ZNRF3: variants seen among roughly 807,000 people sequenced by gnomAD.
ZNRF3 encodes the protein E3 ubiquitin-protein ligase ZNRF3.
Under a neutral mutation model 72.5 loss-of-function variants are expected in ZNRF3, and 23 were observed. The observed-to-expected ratio is 0.32, with a 90% CI of 0.23 to 0.45. ZNRF3 has a LOEUF of 0.45. Among genes scored for constraint, ZNRF3 ranks in the 20% least tolerant of loss-of-function variants. The pLI, the probability that ZNRF3 is intolerant of heterozygous loss-of-function variation, is 1.00. For synonymous variants in ZNRF3, 610 were observed against 545.3 expected (o/e 1.12, Z -1.65); for missense variants, 1,169 against 1,272.1 (o/e 0.92, Z 1.23).
chr22:28,900,112 G>C (rs2034075994), intron 1 of ZNRF3, among the ~76,000 whole-genome samples: 1 of 152,012 alleles, frequency 6.6e-6, no homozygotes, highest in Non-Finnish European at 1.5e-5. Context: ...TTGCCCTCTG[G>C]TAACTAACCT....
chr22:28,895,694 C>G (rs1420241026), intron 1 of ZNRF3, among the ~76,000 whole-genome samples: 1 of 151,956 alleles, frequency 6.6e-6, no homozygotes, highest in Non-Finnish European at 1.5e-5. Context: ...TGTGACTTAG[C>G]TCTCCTTTTG....
At chr22:28,925,570 T>C (rs980473142) in intron 1 of ZNRF3, among the ~76,000 whole-genome samples, 1 of 152,110 alleles carries the variant, frequency 6.6e-6, no homozygotes, top group African/African-American at 2.4e-5. Context: ...CCCCCCAATA[T>C]TGTGAATTTC....
At chr22:28,925,140 C>T (rs772898314) in intron 1 of ZNRF3, among the ~76,000 whole-genome samples, 25 of 152,174 alleles carry the variant, frequency 1.6e-4, no homozygotes, top group Non-Finnish European at 3.2e-4. Flanking sequence ...ATCTTGCTGA[C>T]AGATAGATGA....
chr22:28,927,293 C>T (rs916918029), intron 1 of ZNRF3, among the ~76,000 whole-genome samples: 3 of 151,952 alleles, frequency 2.0e-5, no homozygotes, highest in Non-Finnish European at 2.9e-5. Flanking sequence ...TGGTGGCTCA[C>T]GCCTGTAATC....
At chr22:28,955,988 A>T (rs1229234300) in intron 1 of ZNRF3, among the ~76,000 whole-genome samples, 1 of 152,118 alleles carries the variant, frequency 6.6e-6, no homozygotes, top group Admixed American at 6.5e-5. Flanking sequence ...TGTCCCACAA[A>T]CCAAACAGGA....
chr22:28,936,165 C>T (rs1306259491), intron 1 of ZNRF3, among the ~76,000 whole-genome samples: 1 of 152,172 alleles, frequency 6.6e-6, no homozygotes, highest in African/African-American at 2.4e-5. Context: ...CTCCTAACAT[C>T]TTGCAAAGGT....
chr22:28,948,204 G>A (rs940792731), intron 1 of ZNRF3, among the ~76,000 whole-genome samples: 20 of 150,782 alleles, frequency 1.3e-4, no homozygotes, highest in African/African-American at 2.2e-4. Flanking sequence ...CTGCTCTGTC[G>A]CCTAGACTGG....
chr22:28,934,976 T>C (rs1284216018), intron 1 of ZNRF3, among the ~76,000 whole-genome samples: 1 of 152,218 alleles, frequency 6.6e-6, no homozygotes, highest in African/African-American at 2.4e-5. Context: ...GATTATCCTA[T>C]ACACCTGTTA....
intron 1 of ZNRF3, among the ~76,000 whole-genome samples, chr22:28,982,461 A>G (rs895087392): frequency 6.6e-6 from 1 of 150,500 alleles, no homozygotes; most frequent in African/African-American, 2.4e-5. Flanking sequence ...AAAAAAGTCA[A>G]TAAATGAGGT....
intron 1 of ZNRF3, among the ~76,000 whole-genome samples, chr22:28,966,020 T>C (rs962708071): frequency 2.0e-5 from 3 of 152,322 alleles, no homozygotes; most frequent in African/African-American, 7.2e-5. Flanking sequence ...TTGGTGACTT[T>C]ACTGCATAAT....
intron 2 of ZNRF3, among the ~76,000 whole-genome samples, chr22:29,024,376 T>C (rs1382307589): frequency 6.7e-6 from 1 of 150,228 alleles, no homozygotes; most frequent in Non-Finnish European, 1.5e-5. Context: ...TGCCCCTGTA[T>C]TTGTTGGTGA....
chr22:29,039,615 A>G (rs1023531026), intron 2 of ZNRF3, among the ~76,000 whole-genome samples: 8 of 151,896 alleles, frequency 5.3e-5, no homozygotes, highest in African/African-American at 1.9e-4. Flanking sequence ...GGCATCCATG[A>G]GCTGTTGGCC....
chr22:28,951,855 G>A (rs1448548397), intron 1 of ZNRF3, among the ~76,000 whole-genome samples: 1 of 152,216 alleles, frequency 6.6e-6, no homozygotes, highest in East Asian at 1.9e-4. Flanking sequence ...TTTCTGGAAA[G>A]ATGGATAGAG....
rs184760701 is a variant in ZNRF3 at position 29,005,949 on chromosome 22, G to A, written c.426+18748G>A. Among the ~76,000 whole-genome samples the A allele has an allele frequency of 7.4e-3, 1,122 of 151,800 alleles. 11 individuals are homozygous for A. The highest frequency in any genetic ancestry group is 0.024 in the African/African-American group (986 of 41,408). ...ATCGGGAGGCTGAGGCAGGAGAATC[G>A]CTTGAACCCTGGAGGCAGAGGTTGC... On this transcript the variant is annotated intron_variant, in intron 2 of 8. Transcript: ENST00000544604.
At position 28,967,012 on chromosome 22, in the gene ZNRF3, T is replaced by C. The variant is rs534967363; in HGVS notation, c.301-20064T>C. Among the ~76,000 whole-genome samples, 3 of 152,080 alleles carry C rather than the reference T, an allele frequency of 2.0e-5. No individual in the cohort carries two copies. The South Asian group carries it at 6.2e-4, about 32-fold the overall frequency. The stretch of plus-strand genomic sequence containing the variant: ...CTTCTGCCTCAGCCTCCTGAGTAGC[T>C]GGGATTACAGGTGCCTGTCACCACG... On this transcript the variant is annotated intron_variant, in intron 1 of 8. Transcript: ENST00000544604.
At chr22:28,894,067 C>T (rs988767969) in intron 1 of ZNRF3, among the ~76,000 whole-genome samples, 80 of 152,080 alleles carry the variant, frequency 5.3e-4, no homozygotes, top group African/African-American at 1.6e-3. Flanking sequence ...AGTGATCCTT[C>T]CGCCTCAGCC....
intron 1 of ZNRF3, among the ~76,000 whole-genome samples, chr22:28,964,624 C>T (rs1437803678): frequency 1.3e-5 from 2 of 152,220 alleles, no homozygotes; most frequent in East Asian, 3.9e-4. Flanking sequence ...CACCCACCTC[C>T]TATCTCTTGG....
At chr22:29,038,326 A>C (rs934924568) in intron 2 of ZNRF3, among the ~76,000 whole-genome samples, 7 of 151,568 alleles carry the variant, frequency 4.6e-5, no homozygotes, top group Non-Finnish European at 1.0e-4. Flanking sequence ...ATGACCAAGT[A>C]ATGTTCTGTT....
intron 1 of ZNRF3, among the ~76,000 whole-genome samples, chr22:28,884,420 A>T (rs1239653022): frequency 6.6e-6 from 1 of 152,202 alleles, no homozygotes; most frequent in Non-Finnish European, 1.5e-5. Context: ...TTGAAAAGAC[A>T]AGTGATGAGG....
Sources: allele counts gnomAD v4.1 joint callset (sites outside exome capture counted in the v4.1 genomes callset), GRCh38; gene constraint gnomAD v4.1.1; transcripts MANE v1.5; gene names NCBI Gene and HGNC (gene_info 2026-07-23, HGNC 2026-07-21).